Variants in EXPH5 observed in about 807,000 individuals in gnomAD.
EXPH5 encodes the protein exophilin-5.
In EXPH5, 42 loss-of-function variants were observed where a neutral mutation model predicts 41.1. The observed-to-expected ratio is 1.02, with a 90% CI of 0.80 to 1.32. The LOEUF (loss-of-function observed/expected upper bound fraction) is 1.32, where lower values mean the gene tolerates loss of function less well. Among genes scored for constraint, EXPH5 ranks in the 40% most tolerant of loss-of-function variants. The pLI, the probability that EXPH5 is intolerant of heterozygous loss-of-function variation, is 0.00. For synonymous variants in EXPH5, 798 were observed against 833.5 expected (o/e 0.96, Z 0.73); for missense variants, 2,298 against 2,314.5 (o/e 0.99, Z 0.15).
intron 1 of EXPH5, among the ~76,000 whole-genome samples, chr11:108,550,984 T>C (rs1434164231): frequency 6.6e-6 from 1 of 152,136 alleles, no homozygotes; most frequent in Non-Finnish European, 1.5e-5. Flanking sequence ...TCTCCAGATA[T>C]AATCTGGCCA....
chr11:108,511,471 C>G lies in EXPH5; in HGVS notation c.4036G>C (p.Glu1346Gln), dbSNP rs750943563. 7 of 1,580,938 alleles carry G rather than the reference C, an allele frequency of 4.4e-6. No homozygotes were observed. Among genetic ancestry groups the G allele is most frequent in the Non-Finnish European group, 6.0e-6 (7 of 1,168,570 alleles). ...ACAGCTGCCTCAACAGAAGCCATTT[C>G]CTGTAATGTAGGAGCTAGGGGCCCC... ...NRGPLAPTLQ[E>Q]MASVEAAVSL... Residue 1346 changes from glutamate (E) to glutamine (Q), a missense_variant, in exon 6 of 6, where the codon GAA becomes CAA. Transcript: ENST00000265843.
At chr11:108,550,900 T>A (rs1427961782) in intron 1 of EXPH5, among the ~76,000 whole-genome samples, 1 of 152,120 alleles carries the variant, frequency 6.6e-6, no homozygotes, top group Non-Finnish European at 1.5e-5. Context: ...CAGTCTAAAA[T>A]CTATGGTCAG....
chr11:108,510,915 T>G lies in EXPH5; in HGVS notation c.4592A>C (p.Glu1531Ala), dbSNP rs1425937486. 2 of 1,614,220 alleles carry G rather than the reference T, an allele frequency of 1.2e-6. No homozygotes were observed. Among genetic ancestry groups the G allele is most frequent in the Non-Finnish European group, 1.7e-6 (2 of 1,180,028 alleles). The part of the protein sequence containing the change: ...EETQSDEPNL[E>A]SLQSEPRELP... ...TTCTCTTGGTTCAGACTGCAGACTCTCTAAGTTTGGTTCATCTGACTGAGT... is the reference window on the plus strand; with the variant it reads ...TTCTCTTGGTTCAGACTGCAGACTCGCTAAGTTTGGTTCATCTGACTGAGT... The change falls in exon 6 of 6, where the codon GAG (glutamate) becomes GCG (alanine). Residue 1531 changes from glutamate to alanine, a missense_variant. Coordinates refer to ENST00000265843, the MANE Select transcript of EXPH5 (RefSeq NM_015065.3).
rs1030005399 is a variant in EXPH5, at chr11:108,510,881, T to C, written c.4626A>G (p.Gln1542=). ...SLQSEPRELP[Q]RSQEANMTES... ...CTGTCATATTTGCCTCCTGACTTCT[T>C]TGAGGTAATTCTCTTGGTTCAGACT... Residue 1542 remains glutamine (Q), a synonymous_variant, in exon 6 of 6, where the codon CAA becomes CAG. Coordinates refer to ENST00000265843, the MANE Select transcript of EXPH5 (RefSeq NM_015065.3). 6.2e-6 allele frequency: 10 copies of C among 1,614,256 alleles called. No homozygotes were observed. The highest frequency in any genetic ancestry group is 8.5e-6 in the Non-Finnish European group (10 of 1,180,048).
Position 108,511,221 on chromosome 11 carries a change from G to A in EXPH5, c.4286C>T (p.Ala1429Val). 3 of 1,613,326 alleles carry A rather than the reference G, an allele frequency of 1.9e-6. No individual in the cohort carries two copies. In the South Asian group the frequency reaches 3.3e-5, roughly 18 times the overall value. The change falls in exon 6 of 6, where the codon GCT becomes GTT. Residue 1429 changes from alanine to valine, a missense_variant. Physicochemically the swap from Ala to Val is moderately conservative, Grantham distance 64 (BLOSUM62 0). Coordinates refer to ENST00000265843, the MANE Select transcript of EXPH5 (RefSeq NM_015065.3). ...ATTTCCAATATTAACTTCTGAAAGA[G>A]CTGGAAGACTAGAGGGACCACTGTT... ...SSNSGPSSLPALSEVNIGNSQ... is the reference protein window; with the variant it reads ...SSNSGPSSLPVLSEVNIGNSQ...
intron 1 of EXPH5, among the ~76,000 whole-genome samples, chr11:108,562,802 A>AAAAC (rs962737925): frequency 6.6e-6 from 1 of 152,088 alleles, no homozygotes; most frequent in Non-Finnish European, 1.5e-5. Context: ...GTCTCCATTT[A>AAAAC]AAACAAACAA....
At chr11:108,590,731 T>C (rs529596269) in intron 1 of EXPH5, among the ~76,000 whole-genome samples, 1 of 152,360 alleles carries the variant, frequency 6.6e-6, no homozygotes, top group African/African-American at 2.4e-5. Context: ...ACTGCAGCCT[T>C]GAACTCTTGA....
intron 3 of EXPH5, among the ~76,000 whole-genome samples, chr11:108,536,423 G>A (rs2093880516): frequency 6.6e-6 from 1 of 151,958 alleles, no homozygotes; most frequent in Non-Finnish European, 1.5e-5. Context: ...GCACCACCAT[G>A]TCCAGATAAT....
At chr11:108,570,775 G>A (rs1417143029) in intron 1 of EXPH5, among the ~76,000 whole-genome samples, 1 of 152,128 alleles carries the variant, frequency 6.6e-6, no homozygotes, top group Non-Finnish European at 1.5e-5. Flanking sequence ...TGAACTCCTG[G>A]CTTCAAGTGA....
At chr11:108,555,856 C>T (rs566744059) in intron 1 of EXPH5, among the ~76,000 whole-genome samples, 1 of 152,126 alleles carries the variant, frequency 6.6e-6, no homozygotes, top group Non-Finnish European at 1.5e-5. Context: ...CCCAGCCATG[C>T]GTAACTGTGA....
upstream of EXPH5, among the ~76,000 whole-genome samples, chr11:108,598,594 T>A (rs999419046): frequency 1.3e-5 from 2 of 151,956 alleles, no homozygotes; most frequent in Non-Finnish European, 2.9e-5. Context: ...CATGGGGTAG[T>A]TGGGAAGGGT....
Position 108,550,706 on chromosome 11 carries a change from G to GA in EXPH5, c.120-8895dup, listed in dbSNP as rs1288262932. Among the ~76,000 whole-genome samples, 5 of 152,290 alleles carry GA rather than the reference G, an allele frequency of 3.3e-5. No homozygotes were observed. The South Asian group carries it at 1.0e-3, about 32-fold the overall frequency. On this transcript the variant is annotated intron_variant, in intron 1 of 5. Transcript: ENST00000265843. ...AGGCAGGAGAATTGCTTGAACCTGGGAGGCAGAGGTTGCAGTGAGCCAAGA... is the reference window on the plus strand; with the variant it reads ...AGGCAGGAGAATTGCTTGAACCTGGGAAGGCAGAGGTTGCAGTGAGCCAAGA...
chr11:108,541,653 A>C lies in EXPH5; in HGVS notation c.279T>G (p.Asn93Lys). 1 of 1,593,880 alleles carries C rather than the reference A, an allele frequency of 6.3e-7. No individual in the cohort carries two copies. ...TYRLSKEMAK[N>K]DPIELPTSRS... ...TTAAATCTAAAATCTTTTTCTTACC[A>C]TTTTTTGCCATCTCCTTACTTAGCC... is the stretch of plus-strand genomic sequence containing the variant. The change falls in exon 2 of 6, where the codon AAT (asparagine) becomes AAG (lysine). Residue 93 changes from asparagine (N) to lysine (K), a missense_variant and splice_region_variant. By Grantham distance (94) the Asn-to-Lys change is moderately conservative (BLOSUM62 0). Coordinates refer to ENST00000265843, the MANE Select transcript of EXPH5 (RefSeq NM_015065.3).
At chr11:108,602,141 A>T in the EXPH5 span, among the ~76,000 whole-genome samples, 7 of 152,222 alleles carry the variant, frequency 4.6e-5, no homozygotes, top group African/African-American at 7.2e-5. Flanking sequence ...TTCCCCTCAT[A>T]GCTTATCAAA....
the EXPH5 span, among the ~76,000 whole-genome samples, chr11:108,600,711 T>C: frequency 6.6e-6 from 1 of 152,228 alleles, no homozygotes; most frequent in Admixed American, 6.5e-5. Flanking sequence ...CTTCACTTGC[T>C]GTATTAGTCA....
At position 108,511,888 on chromosome 11, in the gene EXPH5, T is replaced by C. The variant is rs1293342716; in HGVS notation, c.3619A>G (p.Asn1207Asp). 1.3e-6 allele frequency: 2 copies of C among 1,588,174 alleles called. No individual in the cohort carries two copies. Among genetic ancestry groups the C allele is most frequent in the African/African-American group, 1.4e-5 (1 of 73,358 alleles). The change falls in exon 6 of 6, where the codon AAT becomes GAT. Residue 1207 changes from asparagine (N) to aspartate (D), a missense_variant. Coordinates refer to ENST00000265843, the MANE Select transcript of EXPH5 (RefSeq NM_015065.3). ...GAGCAAAAAGGTAAAGGGTCTTCAT[T>C]TGAAAGAGCAAATACACTTCTCCTG... is the stretch of plus-strand genomic sequence containing the variant. Reference protein sequence around the residue: ...ASRRSVFALSNEDPLPFCSDL... With the variant: ...ASRRSVFALSDEDPLPFCSDL...
upstream of EXPH5, among the ~76,000 whole-genome samples, chr11:108,596,956 TCCGGTAATC>T (rs533083595): frequency 3.9e-5 from 6 of 152,338 alleles, no homozygotes; most frequent in East Asian, 1.2e-3. Flanking sequence ...AATCTTAGTA[TCCGGTAATC>T]CTGGCAACCT....
At position 108,511,294 on chromosome 11, in the gene EXPH5, C is replaced by T. The variant is rs1340457292; in HGVS notation, c.4213G>A (p.Val1405Ile). The change falls in exon 6 of 6, where the codon GTA (valine) becomes ATA (isoleucine). Residue 1405 changes from valine to isoleucine, a missense_variant. By Grantham distance (29) the Val-to-Ile change is conservative. Coordinates refer to ENST00000265843, the MANE Select transcript of EXPH5 (RefSeq NM_015065.3). Reference sequence around the variant, plus strand: ...CAATTTTCAGATTTTTCTTCGGATACATTTTTTCTCTGAAGCATCAATGAA... The same window carrying T: ...CAATTTTCAGATTTTTCTTCGGATATATTTTTTCTCTGAAGCATCAATGAA... Reference protein sequence around the residue: ...HTSLMLQRKNVSEEKSENCQQ... With the variant: ...HTSLMLQRKNISEEKSENCQQ... The T allele has an allele frequency of 5.0e-6, 8 of 1,601,660 alleles. No homozygotes were observed. The Admixed American group carries it at 8.8e-5, about 18-fold the overall frequency.
chr11:108,553,837 T>C (rs1265778349), intron 1 of EXPH5, among the ~76,000 whole-genome samples: 2 of 152,336 alleles, frequency 1.3e-5, no homozygotes, highest in Non-Finnish European at 2.9e-5. Flanking sequence ...AAATCATGTG[T>C]GTAAAAAGTA....
Sources: allele counts gnomAD v4.1 joint callset (sites outside exome capture counted in the v4.1 genomes callset), GRCh38; gene constraint gnomAD v4.1.1; transcripts MANE v1.5; gene names NCBI Gene and HGNC (gene_info 2026-07-23, HGNC 2026-07-21).